Variants in FXN observed in about 807,000 individuals in gnomAD.
FXN encodes frataxin, mitochondrial.
Under a neutral mutation model 22.4 loss-of-function variants are expected in FXN, and 14 were observed. That is an observed-to-expected ratio of 0.62 (90% CI 0.41 to 0.98). The LOEUF (loss-of-function observed/expected upper bound fraction) is 0.98, where lower values mean the gene tolerates loss of function less well. Ranked by LOEUF, FXN falls within the 50% of genes least tolerant of loss-of-function variation. The probability of loss-of-function intolerance (pLI) is 0.00; values close to 1 mark genes in which losing one functional copy is unlikely to be tolerated. For missense variants in FXN, 267 were observed against 268.4 expected (o/e 0.99, Z 0.04); for synonymous variants, 120 against 114.1 (o/e 1.05, Z -0.33).
intron 1 of FXN, among the ~76,000 whole-genome samples, chr9:69,042,406 T>G (rs1000517863): frequency 6.6e-6 from 1 of 152,124 alleles, no homozygotes; most frequent in Non-Finnish European, 1.5e-5. Context: ...GGCTCTGTAC[T>G]TGGGGTATTT....
At chr9:69,067,414 T>C (rs931817366) in intron 4 of FXN, among the ~76,000 whole-genome samples, 3 of 152,240 alleles carry the variant, frequency 2.0e-5, no homozygotes, top group Admixed American at 6.5e-5. Context: ...TTTATACCTG[T>C]GGCAAATGGC....
At chr9:69,071,553 G>A (rs1343984050) in intron 4 of FXN, among the ~76,000 whole-genome samples, 3 of 152,108 alleles carry the variant, frequency 2.0e-5, no homozygotes, top group Non-Finnish European at 4.4e-5. Context: ...ATGTACATCT[G>A]GTATAAGAAG....
At chr9:69,048,060 G>C (rs913212756) in intron 2 of FXN, among the ~76,000 whole-genome samples, 2 of 152,130 alleles carry the variant, frequency 1.3e-5, no homozygotes, top group Non-Finnish European at 2.9e-5. Flanking sequence ...CCAAAAGTAG[G>C]CTTCTGAGCT....
chr9:69,055,067 T>C (rs1157676763), intron 3 of FXN, among the ~76,000 whole-genome samples: 1 of 152,124 alleles, frequency 6.6e-6, no homozygotes, highest in Non-Finnish European at 1.5e-5. Flanking sequence ...AAAGGAGCAA[T>C]GGAGCAGGGA....
At chr9:69,037,198 TG>T (rs1422061053) in intron 1 of FXN, among the ~76,000 whole-genome samples, 4 of 146,824 alleles carry the variant, frequency 2.7e-5, no homozygotes, top group African/African-American at 1.0e-4. Flanking sequence ...CCTAGGAAGG[TG>T]GATCACCTGA....
intron 3 of FXN, among the ~76,000 whole-genome samples, chr9:69,057,992 AT>A (rs1483078982): frequency 6.6e-6 from 1 of 152,196 alleles, no homozygotes; most frequent in Non-Finnish European, 1.5e-5. Flanking sequence ...ATAAATATTG[AT>A]TCATATGTAA....
In FXN at chr9:69,040,565, C is replaced by T. The variant is rs529813990; in HGVS notation, c.165+4618C>T. Among the ~76,000 whole-genome samples the T allele has an allele frequency of 6.3e-4, 96 of 151,948 alleles. No individual in the cohort carries two copies. The South Asian group carries it at 0.019, about 30-fold the overall frequency. Reference sequence around the variant, plus strand: ...TGCCTGTAGTCCCCACTACTCGGGACGCTGAGGCAGGAGAATGGCGTGAAC... The same window carrying T: ...TGCCTGTAGTCCCCACTACTCGGGATGCTGAGGCAGGAGAATGGCGTGAAC... On this transcript the variant is annotated intron_variant, in intron 1 of 4. Transcript: ENST00000484259.
chr9:69,040,328 T>C (rs1393906225), intron 1 of FXN, among the ~76,000 whole-genome samples: 1 of 152,218 alleles, frequency 6.6e-6, no homozygotes, highest in Non-Finnish European at 1.5e-5. Context: ...ATTTTTATTG[T>C]CTTGCAGACA....
intron 2 of FXN, among the ~76,000 whole-genome samples, chr9:69,049,820 C>T (rs1016231899): frequency 6.6e-6 from 1 of 151,948 alleles, no homozygotes; most frequent in Admixed American, 6.6e-5. Flanking sequence ...TCCCTAAAAC[C>T]CAGCAATCAC....
intron 1 of FXN, among the ~76,000 whole-genome samples, chr9:69,039,521 CT>C (rs1831618044): frequency 1.7e-5 from 1 of 58,864 alleles, no homozygotes. Context: ...CCAGCCTTAC[CT>C]ACCTGGAGGC....
In FXN at chr9:69,054,990, G is replaced by A. The variant is rs373971864; in HGVS notation, c.384+1730G>A. On this transcript the variant is annotated intron_variant, in intron 3 of 4. Transcript: ENST00000484259. ...AGAAGGCACTCCACATAATGGAGGA[G>A]GCAACCAAGTCTTAGAGAAGGTATC... Among the ~76,000 whole-genome samples the A allele has an allele frequency of 6.6e-5, 10 of 152,310 alleles. No homozygotes were observed. In the East Asian group the frequency reaches 1.9e-3, roughly 29 times the overall value.
intron 3 of FXN, among the ~76,000 whole-genome samples, chr9:69,057,619 G>A (rs1016694058): frequency 6.6e-6 from 1 of 152,102 alleles, no homozygotes; most frequent in African/African-American, 2.4e-5. Flanking sequence ...TGCTAACTCT[G>A]TACCCTAGAG....
rs1832147678 is a variant in FXN at position 69,065,191 on chromosome 9, A to T, written c.482+156A>T. The stretch of plus-strand genomic sequence containing the variant: ...TGAGGTAGGAGGATCACTTGAGGAC[A>T]GGAGTTCAGAACCATCCTGGGCAAC... On this transcript the variant is annotated intron_variant, in intron 4 of 4. Coordinates refer to ENST00000484259, the MANE Select transcript of FXN (RefSeq NM_000144.5). 4.3e-6 allele frequency: 3 copies of T among 689,852 alleles called. No individual in the cohort carries two copies. In the Admixed American group the frequency reaches 6.1e-5, roughly 14 times the overall value. 42.7% of individuals were successfully genotyped at this position (689,852 alleles called of 1,614,324 possible).
chr9:69,044,604 C>A (rs570147887), intron 1 of FXN, among the ~76,000 whole-genome samples: 1 of 152,184 alleles, frequency 6.6e-6, no homozygotes, highest in Admixed American at 6.5e-5. Flanking sequence ...TAAAGCCCTT[C>A]GGTGCCTTCC....
chr9:69,038,100 G>A (rs1362357839), intron 1 of FXN, among the ~76,000 whole-genome samples: 2 of 152,220 alleles, frequency 1.3e-5, no homozygotes, highest in Non-Finnish European at 2.9e-5. Context: ...TGGATAGATG[G>A]TTAGCAACCT....
chr9:69,064,619 A>G (rs1238654037), intron 3 of FXN, among the ~76,000 whole-genome samples: 3 of 152,200 alleles, frequency 2.0e-5, no homozygotes, highest in Admixed American at 6.5e-5. Flanking sequence ...CAGCAGTCCC[A>G]GATGCCAGCA....
At chr9:69,046,842 C>T (rs1293736710) in intron 2 of FXN, among the ~76,000 whole-genome samples, 1 of 152,170 alleles carries the variant, frequency 6.6e-6, no homozygotes, top group East Asian at 1.9e-4. Context: ...TGGCATACCT[C>T]CTGAAGTGAA....
intron 1 of FXN, 85 bp downstream of exon 1, chr9:69,036,032 C>T (rs1479243866): frequency 8.6e-7 from 1 of 1,160,700 alleles, no homozygotes; most frequent in South Asian, 3.7e-5. Context: ...CCGCGCACGC[C>T]GGGGTCGCTC....
At chr9:69,063,794 CCA>C (rs1393132582) in intron 3 of FXN, among the ~76,000 whole-genome samples, 1 of 152,140 alleles carries the variant, frequency 6.6e-6, no homozygotes, top group Admixed American at 6.5e-5. Flanking sequence ...GGTGATCCTC[CCA>C]CTTCAGCCTC....
Sources: gnomAD v4.1 joint callset for allele counts (sites outside exome capture counted in the v4.1 genomes callset) on GRCh38, gnomAD v4.1.1 for gene constraint, MANE v1.5 for transcripts, NCBI Gene and HGNC (gene_info 2026-07-23, HGNC 2026-07-21) for gene names.